The following MACROD2 variants were observed in gnomAD, a reference collection of about 807,000 sequenced individuals.
MACROD2 encodes the protein ADP-ribose glycohydrolase MACROD2.
MACROD2 carries 36 observed loss-of-function variants against 70.4 expected under a neutral mutation model. The observed-to-expected ratio is 0.51, with a 90% CI of 0.39 to 0.68. The LOEUF (loss-of-function observed/expected upper bound fraction) is 0.68. Ranked by LOEUF, MACROD2 falls within the 30% of genes least tolerant of loss-of-function variation. The probability of loss-of-function intolerance (pLI) is 0.00; values close to 1 mark genes in which losing one functional copy is unlikely to be tolerated. For missense variants in MACROD2, 496 were observed against 538.4 expected (o/e 0.92, Z 0.78); for synonymous variants, 172 against 178.8 (o/e 0.96, Z 0.30).
In MACROD2 at chr20:14,194,390, A is replaced by C. The variant is rs185997187; in HGVS notation, c.271+108662A>C. ...AAAATGATGGGCAAATCTTGGCCCAAATAGCTAACTAGAAGTGAATGAGGG... is the reference window on the plus strand; with the variant it reads ...AAAATGATGGGCAAATCTTGGCCCACATAGCTAACTAGAAGTGAATGAGGG... On this transcript the variant is annotated intron_variant, in intron 3 of 17. Transcript: ENST00000684519. Among the ~76,000 whole-genome samples, 39 of 152,308 alleles carry C rather than the reference A, an allele frequency of 2.6e-4. No homozygotes were observed. The East Asian group carries it at 6.8e-3, about 26-fold the overall frequency.
chr20:16,039,365 C>T (rs912538307), intron 15 of MACROD2, among the ~76,000 whole-genome samples: 4 of 151,804 alleles, frequency 2.6e-5, no homozygotes, highest in African/African-American at 9.7e-5. Flanking sequence ...CTTTTATTAA[C>T]TGTCTGTTAA....
At chr20:15,557,216 A>C (rs2048180008) in intron 8 of MACROD2, among the ~76,000 whole-genome samples, 1 of 143,594 alleles carries the variant, frequency 7.0e-6, no homozygotes, top group African/African-American at 3.0e-5. Context: ...GATTCCTTAA[A>C]AAAAAAAAAA....
chr20:14,475,997 G>T (rs549563992), intron 3 of MACROD2, among the ~76,000 whole-genome samples: 1 of 152,148 alleles, frequency 6.6e-6, no homozygotes, highest in South Asian at 2.1e-4. Context: ...CATGAGCCAT[G>T]CCTCTATATA....
chr20:15,260,118 GTTTT>G (rs1326725022), intron 6 of MACROD2, among the ~76,000 whole-genome samples: 1 of 151,474 alleles, frequency 6.6e-6, no homozygotes, highest in African/African-American at 2.4e-5. Context: ...TTCAGCAATA[GTTTT>G]TTTGTGTGTT....
At chr20:14,315,585 T>G (rs962588569) in intron 3 of MACROD2, among the ~76,000 whole-genome samples, 2 of 152,136 alleles carry the variant, frequency 1.3e-5, no homozygotes, top group Non-Finnish European at 2.9e-5. Flanking sequence ...TTAAATATAT[T>G]AGATAATAAC....
At chr20:14,205,105 AG>A (rs2081512324) in intron 3 of MACROD2, among the ~76,000 whole-genome samples, 1 of 152,232 alleles carries the variant, frequency 6.6e-6, no homozygotes, top group African/African-American at 2.4e-5. Flanking sequence ...TATCTGGAAC[AG>A]GAACCCTGAT....
intron 5 of MACROD2, among the ~76,000 whole-genome samples, chr20:14,763,372 G>T (rs2072042703): frequency 6.6e-6 from 1 of 152,030 alleles, no homozygotes; most frequent in African/African-American, 2.4e-5. Flanking sequence ...GGATGGATTT[G>T]GATTTCTAAA....
At chr20:14,946,845 G>T (rs1258363175) in intron 5 of MACROD2, among the ~76,000 whole-genome samples, 1 of 152,076 alleles carries the variant, frequency 6.6e-6, no homozygotes, top group Non-Finnish European at 1.5e-5. Flanking sequence ...TTTTTGTGGA[G>T]GGAAGAAGTA....
chr20:15,514,664 A>T (rs1301566389), intron 8 of MACROD2, among the ~76,000 whole-genome samples: 1 of 152,254 alleles, frequency 6.6e-6, no homozygotes, highest in African/African-American at 2.4e-5. Flanking sequence ...AATGAAAAAT[A>T]ATCACAGGCA....
intron 3 of MACROD2, among the ~76,000 whole-genome samples, chr20:14,182,282 G>A (rs1231797388): frequency 3.9e-5 from 6 of 152,124 alleles, no homozygotes; most frequent in Admixed American, 1.3e-4. Context: ...GTTGTCTTTG[G>A]AGAAATGTCT....
intron 8 of MACROD2, among the ~76,000 whole-genome samples, chr20:15,824,536 G>A (rs1034133194): frequency 4.6e-5 from 7 of 152,172 alleles, no homozygotes; most frequent in African/African-American, 1.7e-4. Flanking sequence ...TGCCCAGTCT[G>A]TGAAGTTCAC....
At chr20:15,768,163 C>T (rs574042310) in intron 8 of MACROD2, among the ~76,000 whole-genome samples, 4 of 149,636 alleles carry the variant, frequency 2.7e-5, no homozygotes, top group Non-Finnish European at 4.4e-5. Context: ...TGTGTGTAGT[C>T]GTGCATCGCT....
chr20:14,420,196 A>G (rs1385476384), intron 3 of MACROD2, among the ~76,000 whole-genome samples: 1 of 151,590 alleles, frequency 6.6e-6, no homozygotes, highest in East Asian at 1.9e-4. Context: ...AAAGTTAAAC[A>G]TAGAACTACC....
chr20:15,143,541 C>G (rs2076207937), intron 5 of MACROD2, among the ~76,000 whole-genome samples: 1 of 152,052 alleles, frequency 6.6e-6, no homozygotes, highest in Non-Finnish European at 1.5e-5. Context: ...TCTATTTTGG[C>G]TTTTGTTGCC....
chr20:15,337,057 G>A (rs2078056418), intron 6 of MACROD2, among the ~76,000 whole-genome samples: 1 of 151,684 alleles, frequency 6.6e-6, no homozygotes, highest in Admixed American at 6.6e-5. Flanking sequence ...TTTTGACCCT[G>A]AACTTTATTC....
chr20:15,743,033 A>G (rs958912524), intron 8 of MACROD2, among the ~76,000 whole-genome samples: 4 of 152,300 alleles, frequency 2.6e-5, no homozygotes, highest in African/African-American at 9.6e-5. Context: ...CTATTTATTA[A>G]CTTTAACATT....
intron 5 of MACROD2, chr20:14,757,893 A>G: frequency 7.4e-7 from 1 of 1,357,516 alleles, no homozygotes; most frequent in South Asian, 1.2e-5. Context: ...CTGAAGGGTG[A>G]GTGACCTGCA....
chr20:14,251,286 T>C (rs1045371707), intron 3 of MACROD2, among the ~76,000 whole-genome samples: 1 of 152,168 alleles, frequency 6.6e-6, no homozygotes, highest in African/African-American at 2.4e-5. Flanking sequence ...AAAAGTACTT[T>C]AAGAAAGAAA....
chr20:14,667,755 A>G (rs1374542529), intron 4 of MACROD2, among the ~76,000 whole-genome samples: 1 of 152,152 alleles, frequency 6.6e-6, no homozygotes, highest in Admixed American at 6.5e-5. Context: ...AGAATGAACA[A>G]AACTTTCTTT....
Sources: gnomAD v4.1 joint callset for allele counts (sites outside exome capture counted in the v4.1 genomes callset) on GRCh38, gnomAD v4.1.1 for gene constraint, MANE v1.5 for transcripts, NCBI Gene and HGNC (gene_info 2026-07-23, HGNC 2026-07-21) for gene names.